The following NTN1 variants were observed in gnomAD, a reference collection of about 807,000 sequenced individuals.
NTN1 encodes netrin 1.
A neutral mutation model predicts 54.2 loss-of-function variants in NTN1; 11 were observed. That is an observed-to-expected ratio of 0.20 (90% CI 0.13 to 0.34). The LOEUF (loss-of-function observed/expected upper bound fraction) is 0.34. NTN1 is among the 10% of genes least tolerant of loss of function. The pLI is 1.00. For synonymous variants in NTN1, 371 were observed against 382.0 expected (o/e 0.97, Z 0.33); for missense variants, 740 against 893.1 (o/e 0.83, Z 2.18).
chr17:9,162,578 G>A (rs1030163667), intron 2 of NTN1, among the ~76,000 whole-genome samples: 4 of 152,202 alleles, frequency 2.6e-5, no homozygotes, highest in Non-Finnish European at 5.9e-5. Context: ...TGGGGGTCAC[G>A]GCTTCAACAT....
intron 3 of NTN1, chr17:9,176,728 C>T (rs545165698): frequency 1.3e-5 from 2 of 152,350 alleles, no homozygotes; most frequent in South Asian, 4.1e-4. Flanking sequence ...AGAAAACCCA[C>T]ATCATATTAT....
chr17:9,078,471 C>G (rs1473493499), intron 2 of NTN1, among the ~76,000 whole-genome samples: 9 of 152,194 alleles, frequency 5.9e-5, no homozygotes, highest in Admixed American at 5.9e-4. Context: ...ATCTCTGGCT[C>G]CCGACTGCAT....
At chr17:9,229,166 CTG>C (rs1405920390) in intron 6 of NTN1, among the ~76,000 whole-genome samples, 1 of 61,494 alleles carries the variant, frequency 1.6e-5, no homozygotes, top group Non-Finnish European at 3.1e-5. Context: ...CTGTGTGAGA[CTG>C]TGTGTGTGTG....
At chr17:9,227,840 A>T (rs1448473631) in intron 6 of NTN1, among the ~76,000 whole-genome samples, 2 of 149,924 alleles carry the variant, frequency 1.3e-5, no homozygotes, top group Non-Finnish European at 3.0e-5. Context: ...TACCACACGC[A>T]TTATCGCACA....
chr17:9,074,913 C>T (rs1251836572), intron 2 of NTN1, among the ~76,000 whole-genome samples: 3 of 152,206 alleles, frequency 2.0e-5, no homozygotes, highest in Non-Finnish European at 4.4e-5. Context: ...ATAAGTGAGC[C>T]GTCCTCACTC....
chr17:9,103,431 C>T lies in NTN1; in HGVS notation c.1019-59382C>T, dbSNP rs141347653. ...GTAATTGAATCATGGGGGAGTTTGC[C>T]TCCGTGCTGTTCTCATGATAGTGAG... On this transcript the variant is annotated intron_variant, in intron 2 of 6. Coordinates refer to ENST00000173229, the MANE Select transcript of NTN1 (RefSeq NM_004822.3). 1.3e-3 allele frequency among the ~76,000 whole-genome samples: 202 copies of T among 152,250 alleles called. 1 individual carries two copies. Among genetic ancestry groups the T allele is most frequent in the African/African-American group, 4.6e-3 (193 of 41,546 alleles).
At chr17:9,034,329 T>G (rs2091896636) in intron 2 of NTN1, among the ~76,000 whole-genome samples, 1 of 152,188 alleles carries the variant, frequency 6.6e-6, no homozygotes. Flanking sequence ...TCTATAGCCT[T>G]TATTATCACC....
chr17:9,026,453 G>A (rs55705022), intron 2 of NTN1, among the ~76,000 whole-genome samples: 11 of 151,816 alleles, frequency 7.2e-5, no homozygotes, highest in Non-Finnish European at 1.3e-4. Flanking sequence ...ATAATGTTAC[G>A]GCCTTGACAG....
intron 2 of NTN1, among the ~76,000 whole-genome samples, chr17:9,060,023 G>A (rs952154487): frequency 6.6e-6 from 1 of 152,040 alleles, no homozygotes; most frequent in Non-Finnish European, 1.5e-5. Flanking sequence ...TATGCAAATG[G>A]GAGTGTACAT....
Position 9,182,936 on chromosome 17 carries a change from A to AAC in NTN1, c.1378_1379insAC (p.Thr460AsnfsTer25). 6.2e-7 allele frequency: 1 copy of AAC among 1,613,878 alleles called. No homozygotes were observed. Among genetic ancestry groups the AAC allele is most frequent in the African/African-American group, 1.3e-5 (1 of 74,960 alleles). ...CAAAGAGATCCCTGTAGCGCCGCCG[A>AAC]CGACTGCAGCCAGCAGCGTGGAGGA... On this transcript the variant is annotated frameshift_variant, in exon 5 of 7. Transcript: ENST00000173229. LOFTEE classifies it high-confidence loss of function.
intron 2 of NTN1, among the ~76,000 whole-genome samples, chr17:9,159,307 A>G (rs551794981): frequency 6.6e-6 from 1 of 152,358 alleles, no homozygotes; most frequent in African/African-American, 2.4e-5. Flanking sequence ...AATCAAAGAC[A>G]TGCAAATTAA....
intron 2 of NTN1, among the ~76,000 whole-genome samples, chr17:9,146,259 G>T (rs567657123): frequency 6.6e-6 from 1 of 152,218 alleles, no homozygotes; most frequent in Non-Finnish European, 1.5e-5. Flanking sequence ...GGTGCCTGGT[G>T]CACAGAGACT....
chr17:9,187,733 AG>A (rs1426417377), intron 5 of NTN1, among the ~76,000 whole-genome samples: 1 of 149,732 alleles, frequency 6.7e-6, no homozygotes, highest in Non-Finnish European at 1.5e-5. Flanking sequence ...CAGGAGGCTG[AG>A]GTGGGAGGGT....
chr17:9,110,811 A>G (rs1322643713), intron 2 of NTN1, among the ~76,000 whole-genome samples: 1 of 151,980 alleles, frequency 6.6e-6, no homozygotes, highest in African/African-American at 2.4e-5. Context: ...CTTTACTTGT[A>G]GCCGCATCAT....
chr17:9,127,565 GCTTTGCTGCTGAGGACCCCTGGACACA>G (rs1254710307), intron 2 of NTN1, among the ~76,000 whole-genome samples: 14 of 152,062 alleles, frequency 9.2e-5, no homozygotes, highest in Admixed American at 9.2e-4. Context: ...AAGAGGCCAG[GCTTTGCTGCTGAGGACCCCTGGACACA>G]CTCGGTGTCT....
chr17:9,149,600 C>T (rs1343871537), intron 2 of NTN1, among the ~76,000 whole-genome samples: 1 of 152,164 alleles, frequency 6.6e-6, no homozygotes, highest in Non-Finnish European at 1.5e-5. Flanking sequence ...CCTTGTTCTT[C>T]TCATCTCTTC....
chr17:9,217,040 C>T (rs565524003), intron 5 of NTN1, among the ~76,000 whole-genome samples: 4 of 144,670 alleles, frequency 2.8e-5, no homozygotes, highest in South Asian at 2.2e-4. Context: ...GGCATGACTC[C>T]GTCTCAAAAA....
intron 3 of NTN1, among the ~76,000 whole-genome samples, chr17:9,170,300 T>G (rs896219666): frequency 6.6e-6 from 1 of 152,210 alleles, no homozygotes; most frequent in Non-Finnish European, 1.5e-5. Flanking sequence ...GTTCCATGTA[T>G]GGCAGCTATT....
intron 5 of NTN1, chr17:9,183,562 C>A (rs2092425347): frequency 3.2e-6 from 1 of 312,106 alleles, no homozygotes; most frequent in Non-Finnish European, 6.5e-6. Context: ...GTGCAGATAT[C>A]ATAAATATCG....
Sources: gnomAD v4.1 joint callset for allele counts (sites outside exome capture counted in the v4.1 genomes callset) on GRCh38, gnomAD v4.1.1 for gene constraint, MANE v1.5 for transcripts, NCBI Gene and HGNC (gene_info 2026-07-23, HGNC 2026-07-21) for gene names.